The following UBR3 variants were observed in gnomAD, a reference collection of about 807,000 sequenced individuals.
UBR3 encodes E3 ubiquitin-protein ligase UBR3.
A neutral mutation model predicts 243.2 loss-of-function variants in UBR3; 85 were observed. That is an observed-to-expected ratio of 0.35 (90% confidence interval 0.29 to 0.42). The LOEUF is 0.42. Ranked by LOEUF, UBR3 falls within the 10% of genes least tolerant of loss-of-function variation. The pLI is 1.00. For missense variants in UBR3, 1,686 were observed against 2,300.8 expected (o/e 0.73, Z 5.47); for synonymous variants, 748 against 799.8 (o/e 0.94, Z 1.09).
At chr2:169,947,398 A>G in intron 21 of UBR3, 144 bp from the exon 22 acceptor site, 2 of 594,280 alleles carry the variant, frequency 3.4e-6, no homozygotes, top group Non-Finnish European at 5.0e-6. Flanking sequence ...ATTTAAATTT[A>G]TTCACTTTAT....
rs562515989 is a variant in UBR3 at position 170,077,313 on chromosome 2, G to A, written c.5200-2501G>A. 5 of 777,672 alleles carry A rather than the reference G, an allele frequency of 6.4e-6. No homozygotes were observed. The South Asian group carries it at 6.7e-5, about 10-fold the overall frequency. 48.2% of individuals were successfully genotyped at this position (777,672 alleles called of 1,614,324 possible). On this transcript the variant is annotated intron_variant, in intron 36 of 38. Transcript: ENST00000272793. ...TTTCCCCAAATAACCTTGCCTCCTT[G>A]TGTCACAAGGCCCAACTCACATTCA...
intron 8 of UBR3, 75 bp from the exon 9 acceptor site, chr2:169,905,039 A>G (rs2084964455): frequency 1.6e-6 from 2 of 1,254,386 alleles, no homozygotes; most frequent in African/African-American, 1.5e-5. Context: ...TCTAAAGTAT[A>G]TATATTCTGT....
At chr2:169,829,072 GT>G (rs1481072109) in intron 1 of UBR3, among the ~76,000 whole-genome samples, 1 of 152,178 alleles carries the variant, frequency 6.6e-6, no homozygotes, top group African/African-American at 2.4e-5. Flanking sequence ...GTTGCTATCA[GT>G]TATTAAACTT....
intron 5 of UBR3, among the ~76,000 whole-genome samples, chr2:169,881,822 T>C (rs1442474344): frequency 7.2e-6 from 1 of 138,150 alleles, no homozygotes; most frequent in African/African-American, 2.6e-5. Flanking sequence ...TACATATAAT[T>C]ATATATGTAT....
chr2:170,055,548 T>C lies in UBR3; in HGVS notation c.4749T>C (p.Asp1583=), dbSNP rs1176638730. The change falls in exon 33 of 39, where the codon GAT becomes GAC. Residue 1583 remains aspartate, a synonymous_variant. Transcript: ENST00000272793. ...AALSVKCSEE[D]RSAWKHAGAL... ...TCTCAGTTAAATGCAGCGAAGAAGA[T>C]AGGTCAGCCTGGAAACACGCGGGAG... 2 of 1,613,576 alleles carry C rather than the reference T, an allele frequency of 1.2e-6. No homozygotes were observed. The highest frequency in any genetic ancestry group is 1.7e-6 in the Non-Finnish European group (2 of 1,179,660).
chr2:169,935,714 C>T (rs771523013), intron 19 of UBR3, among the ~76,000 whole-genome samples: 1 of 152,112 alleles, frequency 6.6e-6, no homozygotes, highest in Non-Finnish European at 1.5e-5. Flanking sequence ...TCAATAATTA[C>T]GTGTTGGTTT....
At chr2:169,985,351 T>C (rs2088954842) in intron 24 of UBR3, among the ~76,000 whole-genome samples, 1 of 151,640 alleles carries the variant, frequency 6.6e-6, no homozygotes, top group Non-Finnish European at 1.5e-5. Context: ...GCCTTAGCCT[T>C]CCAAGTAGCC....
At chr2:169,949,249 A>G (rs945576332) in intron 22 of UBR3, among the ~76,000 whole-genome samples, 1 of 152,104 alleles carries the variant, frequency 6.6e-6, no homozygotes, top group African/African-American at 2.4e-5. Flanking sequence ...GGAGTATCCT[A>G]TTCTTCATGA....
chr2:169,890,849 A>G (rs937908373), intron 5 of UBR3, among the ~76,000 whole-genome samples: 1 of 149,050 alleles, frequency 6.7e-6, no homozygotes, highest in Non-Finnish European at 1.5e-5. Flanking sequence ...TCCACCCTTT[A>G]GCTTCTTTGT....
At chr2:169,930,235 T>C (rs974548700) in intron 18 of UBR3, among the ~76,000 whole-genome samples, 1 of 152,168 alleles carries the variant, frequency 6.6e-6, no homozygotes, top group Non-Finnish European at 1.5e-5. Flanking sequence ...GGAATCTGCT[T>C]TTTAAAACAA....
At chr2:169,978,657 C>G (rs780868056) in intron 24 of UBR3, among the ~76,000 whole-genome samples, 195 of 152,030 alleles carry the variant, frequency 1.3e-3, no homozygotes, top group Non-Finnish European at 2.0e-3. Flanking sequence ...ACTCTGTGAT[C>G]CCAGGTGCAG....
chr2:169,841,591 C>T (rs553028800), intron 1 of UBR3, among the ~76,000 whole-genome samples: 6 of 152,212 alleles, frequency 3.9e-5, no homozygotes, highest in African/African-American at 9.6e-5. Context: ...GCTGGAGTTC[C>T]GGGTGGGCGT....
At chr2:170,067,034 T>G (rs1183236372) in intron 35 of UBR3, among the ~76,000 whole-genome samples, 4 of 141,282 alleles carry the variant, frequency 2.8e-5, no homozygotes, top group Non-Finnish European at 6.4e-5. Flanking sequence ...ATCCTCATTT[T>G]CCAGACAAGG....
chr2:169,966,280 A>G (rs1559140485), intron 24 of UBR3, among the ~76,000 whole-genome samples: 1 of 152,222 alleles, frequency 6.6e-6, no homozygotes, highest in Non-Finnish European at 1.5e-5. Context: ...TATAGCTGAA[A>G]TGCAACAGAA....
chr2:169,912,581 C>CA (rs1236279494), intron 10 of UBR3, among the ~76,000 whole-genome samples: 2 of 152,106 alleles, frequency 1.3e-5, no homozygotes, highest in Non-Finnish European at 2.9e-5. Flanking sequence ...TATGGATATA[C>CA]AACATTTCAT....
chr2:169,908,658 G>A (rs2085114526), intron 10 of UBR3, among the ~76,000 whole-genome samples: 1 of 152,074 alleles, frequency 6.6e-6, no homozygotes, highest in African/African-American at 2.4e-5. Context: ...GTTGTTATGA[G>A]GGAGAGTAAT....
intron 9 of UBR3, 98 bp from the exon 10 acceptor site, chr2:169,905,933 G>T: frequency 7.7e-7 from 1 of 1,292,152 alleles, no homozygotes; most frequent in Non-Finnish European, 1.0e-6. Context: ...TGCTATTTGT[G>T]TGCATAAATG....
rs564458310 is a variant in UBR3, at chr2:170,008,326, T to G, written c.4231-478T>G. ...CATACTTTAAACCTAGATAGATTCA[T>G]CTGGCAATTCCCTTTCTCAAGCGAA... is the stretch of plus-strand genomic sequence containing the variant. On this transcript the variant is annotated intron_variant, in intron 28 of 38. Transcript: ENST00000272793. 2.6e-5 allele frequency among the ~76,000 whole-genome samples: 4 copies of G among 152,330 alleles called. No individual in the cohort carries two copies. The South Asian group carries it at 8.3e-4, about 32-fold the overall frequency.
At chr2:169,934,017 T>G (rs1303880790) in intron 19 of UBR3, among the ~76,000 whole-genome samples, 1 of 152,240 alleles carries the variant, frequency 6.6e-6, no homozygotes, top group Non-Finnish European at 1.5e-5. Context: ...GCTTTTCATA[T>G]AGTTTTGTAA....
Sources: gnomAD v4.1 joint callset for allele counts (sites outside exome capture counted in the v4.1 genomes callset) on GRCh38, gnomAD v4.1.1 for gene constraint, MANE v1.5 for transcripts, NCBI Gene and HGNC (gene_info 2026-07-23, HGNC 2026-07-21) for gene names.